Variants in NR3C2 observed in about 807,000 individuals in gnomAD.
NR3C2 encodes mineralocorticoid receptor.
In NR3C2, 15 loss-of-function variants were observed where a neutral mutation model predicts 86.4. That is an observed-to-expected ratio of 0.17 (90% CI 0.12 to 0.27). The LOEUF is 0.27. NR3C2 is among the 10% of genes least tolerant of loss of function. The probability of loss-of-function intolerance (pLI) is 1.00; values close to 1 mark genes in which losing one functional copy is unlikely to be tolerated. For missense variants in NR3C2, 960 were observed against 1,195.6 expected, an observed-to-expected ratio of 0.80 and a Z score of 2.91; for synonymous variants, 458 against 450.5, an observed-to-expected ratio of 1.02 and a Z score of -0.21.
chr4:148,375,194 G>A (rs935024658), intron 2 of NR3C2, among the ~76,000 whole-genome samples: 8 of 152,264 alleles, frequency 5.3e-5, no homozygotes, highest in Admixed American at 3.3e-4. Context: ...AGTGGCTCAC[G>A]CCTGTATCCT....
chr4:148,374,328 A>C (rs933371260), intron 2 of NR3C2, among the ~76,000 whole-genome samples: 32 of 152,198 alleles, frequency 2.1e-4, no homozygotes, highest in African/African-American at 7.7e-4. Context: ...AAGGCAAAAT[A>C]ATCATAGAAT....
intron 8 of NR3C2, among the ~76,000 whole-genome samples, chr4:148,096,334 A>G (rs1295934312): frequency 6.6e-6 from 1 of 152,202 alleles, no homozygotes; most frequent in East Asian, 1.9e-4. Flanking sequence ...TATTTCCTAG[A>G]TCCTTCTTGC....
chr4:148,126,086 G>T (rs1028636804), intron 6 of NR3C2, among the ~76,000 whole-genome samples: 1 of 152,220 alleles, frequency 6.6e-6, no homozygotes, highest in Non-Finnish European at 1.5e-5. Context: ...CCTTAAGGGG[G>T]CATCCCTGGC....
chr4:148,279,475 C>T (rs1401203560), intron 2 of NR3C2, among the ~76,000 whole-genome samples: 1 of 152,098 alleles, frequency 6.6e-6, no homozygotes, highest in African/African-American at 2.4e-5. Context: ...AAAGAGGAAA[C>T]AAGACACTAA....
Position 148,435,882 on chromosome 4 carries a change from C to T in NR3C2, c.979G>A (p.Ala327Thr). ...CTACAGATAGATCCCACAGTACTGG[C>T]TGCCGGACTGGAAAGCGTGGATCTG... The part of the protein sequence containing the change: ...NNRSTLSSPA[A>T]STVGSICSPV... The change falls in exon 2 of 9, where the codon GCC (alanine) becomes ACC (threonine). Residue 327 changes from alanine (A) to threonine (T), a missense_variant. Ala to Thr is a moderately conservative substitution (Grantham distance 58). This residue lies in a region of NR3C2 where 680 missense variants were observed against 719.0 expected (regional missense o/e 0.95). Transcript: ENST00000358102. 1 of 1,614,172 alleles carries T rather than the reference C, an allele frequency of 6.2e-7. No individual in the cohort carries two copies. The highest frequency in any genetic ancestry group is 1.1e-5 in the South Asian group (1 of 91,078).
chr4:148,359,919 A>G (rs2150002266), intron 2 of NR3C2, among the ~76,000 whole-genome samples: 1 of 152,322 alleles, frequency 6.6e-6, no homozygotes, highest in South Asian at 2.1e-4. Flanking sequence ...ATTCAGGCTG[A>G]GAAAATAAGG....
chr4:148,373,532 T>C (rs1015658025), intron 2 of NR3C2, among the ~76,000 whole-genome samples: 11 of 147,258 alleles, frequency 7.5e-5, no homozygotes, highest in African/African-American at 2.9e-4. Context: ...TGGAGTACAG[T>C]AGCGCAATCT....
chr4:148,324,523 C>A (rs1296029654), intron 2 of NR3C2, among the ~76,000 whole-genome samples: 2 of 152,010 alleles, frequency 1.3e-5, no homozygotes, highest in African/African-American at 4.8e-5. Context: ...GGCAAGACTG[C>A]AGGGAGAGGA....
intron 2 of NR3C2, among the ~76,000 whole-genome samples, chr4:148,293,421 T>C (rs1234030524): frequency 6.6e-6 from 1 of 152,172 alleles, no homozygotes; most frequent in Non-Finnish European, 1.5e-5. Context: ...ACAGTAATTA[T>C]TCAGAAACTC....
chr4:148,131,558 G>C (rs1560937431), intron 6 of NR3C2, among the ~76,000 whole-genome samples: 1 of 152,088 alleles, frequency 6.6e-6, no homozygotes, highest in Non-Finnish European at 1.5e-5. Flanking sequence ...AGATGTATCT[G>C]TAGAAGGACC....
intron 2 of NR3C2, among the ~76,000 whole-genome samples, chr4:148,389,891 A>ACAT (rs1440759813): frequency 6.6e-6 from 1 of 152,174 alleles, no homozygotes; most frequent in Non-Finnish European, 1.5e-5. Context: ...ATTCTAGAGA[A>ACAT]CATCAGACTA....
chr4:148,290,267 C>T (rs920888698), intron 2 of NR3C2, among the ~76,000 whole-genome samples: 3 of 152,142 alleles, frequency 2.0e-5, no homozygotes, highest in African/African-American at 7.2e-5. Context: ...TTCAGCCTAA[C>T]AGCTTCATTT....
At position 148,319,344 on chromosome 4, in the gene NR3C2, T is replaced by G. The variant is rs1476796332; in HGVS notation, c.1758-59227A>C. Among the ~76,000 whole-genome samples the G allele has an allele frequency of 2.6e-5, 4 of 152,216 alleles. No individual in the cohort carries two copies. In the East Asian group the frequency reaches 5.8e-4, roughly 22 times the overall value. ...CAGCTTTGTTCTTTTGGCTTAGGAT[T>G]GACTTGGCGATGTGGGCTCTTTTCT... On this transcript the variant is annotated intron_variant, in intron 2 of 8. Coordinates refer to ENST00000358102, the MANE Select transcript of NR3C2 (RefSeq NM_000901.5).
chr4:148,193,557 C>A (rs1351465133), intron 4 of NR3C2, among the ~76,000 whole-genome samples: 1 of 152,210 alleles, frequency 6.6e-6, no homozygotes, highest in Non-Finnish European at 1.5e-5. Flanking sequence ...TGTGTTAAAT[C>A]ATCTCCAGAT....
At chr4:148,303,581 T>A (rs1044795043) in intron 2 of NR3C2, among the ~76,000 whole-genome samples, 1 of 152,084 alleles carries the variant, frequency 6.6e-6, no homozygotes, top group African/African-American at 2.4e-5. Flanking sequence ...ACCTTAGTAT[T>A]CAGCTTATGA....
At chr4:148,339,631 T>C (rs72656821) in intron 2 of NR3C2, among the ~76,000 whole-genome samples, 78 of 152,128 alleles carry the variant, frequency 5.1e-4, no homozygotes, top group African/African-American at 1.7e-3. Context: ...TAAACTCAGA[T>C]ACAACGTCTA....
intron 7 of NR3C2, among the ~76,000 whole-genome samples, chr4:148,119,785 C>A (rs796710881): frequency 2.4e-3 from 288 of 121,742 alleles, no homozygotes; most frequent in South Asian, 3.9e-3. Context: ...GACTTCATCT[C>A]AAAAAAAAAA....
intron 2 of NR3C2, among the ~76,000 whole-genome samples, chr4:148,391,378 T>C (rs1747545674): frequency 6.6e-6 from 1 of 152,212 alleles, no homozygotes; most frequent in Non-Finnish European, 1.5e-5. Context: ...TTTAATAGCA[T>C]TTGTATAATT....
At chr4:148,126,595 C>T (rs890829720) in intron 6 of NR3C2, among the ~76,000 whole-genome samples, 3 of 152,188 alleles carry the variant, frequency 2.0e-5, no homozygotes, top group African/African-American at 7.2e-5. Flanking sequence ...GTTAACAAAA[C>T]ATCCACACAC....
Sources: gnomAD v4.1 joint callset for allele counts (sites outside exome capture counted in the v4.1 genomes callset) on GRCh38, gnomAD v4.1.1 for gene constraint, gnomAD v4.1.1 regional missense constraint, MANE v1.5 for transcripts, NCBI Gene and HGNC (gene_info 2026-07-23, HGNC 2026-07-21) for gene names.